Variants in MACROD2 observed in about 807,000 individuals in gnomAD.
MACROD2 encodes mono-ADP ribosylhydrolase 2.
Under a neutral mutation model 70.4 loss-of-function variants are expected in MACROD2, and 36 were observed. The ratio of observed to expected loss-of-function variants is 0.51; its 90% CI spans 0.39 to 0.68. The LOEUF is 0.68. Ranked by LOEUF, MACROD2 falls within the 30% of genes least tolerant of loss-of-function variation. MACROD2 has a pLI of 0.00. For missense variants in MACROD2, 496 were observed against 538.4 expected (o/e 0.92, Z 0.78); for synonymous variants, 172 against 178.8 (o/e 0.96, Z 0.30).
intron 3 of MACROD2, among the ~76,000 whole-genome samples, chr20:14,220,861 G>A (rs1334109501): frequency 2.0e-5 from 3 of 152,164 alleles, no homozygotes; most frequent in Admixed American, 6.5e-5. Context: ...TGGGGCACTC[G>A]CAGTTTTGGG....
intron 3 of MACROD2, among the ~76,000 whole-genome samples, chr20:14,235,645 A>G (rs768212579): frequency 3.3e-5 from 5 of 152,182 alleles, no homozygotes; most frequent in Non-Finnish European, 4.4e-5. Flanking sequence ...TGCTCTGTAC[A>G]TAGACTTCTA....
At chr20:15,883,677 A>G (rs992500679) in intron 9 of MACROD2, among the ~76,000 whole-genome samples, 1 of 152,164 alleles carries the variant, frequency 6.6e-6, no homozygotes, top group African/African-American at 2.4e-5. Context: ...TACAAAGCAC[A>G]TATATAGGAG....
At chr20:15,427,789 T>C (rs890393026) in intron 6 of MACROD2, among the ~76,000 whole-genome samples, 1 of 152,120 alleles carries the variant, frequency 6.6e-6, no homozygotes, top group Non-Finnish European at 1.5e-5. Context: ...TCCTTGAAAA[T>C]GTTGATAGTT....
At chr20:14,917,267 A>G (rs530915309) in intron 5 of MACROD2, among the ~76,000 whole-genome samples, 28 of 151,250 alleles carry the variant, frequency 1.9e-4, no homozygotes, top group Non-Finnish European at 4.1e-4. Flanking sequence ...TCGGGTCTCT[A>G]TTCTTCCATG....
In MACROD2 at chr20:15,887,616, G is replaced by T. The variant is rs2064838168; in HGVS notation, c.775+1805G>T. ...CCTCAACCAATAACAGACAGGAATT[G>T]GTTGGTTAATACCCACATCTGACTC... On this transcript the variant is annotated intron_variant, in intron 10 of 17. Coordinates refer to ENST00000684519, the MANE Select transcript of MACROD2 (RefSeq NM_001351661.2). Among the ~76,000 whole-genome samples the T allele has an allele frequency of 2.0e-5, 3 of 152,176 alleles. No individual in the cohort carries two copies. In the South Asian group the frequency reaches 6.2e-4, roughly 32 times the overall value.
chr20:15,953,359 A>G (rs1357632136), intron 12 of MACROD2, among the ~76,000 whole-genome samples: 1 of 152,182 alleles, frequency 6.6e-6, no homozygotes, highest in African/African-American at 2.4e-5. Context: ...AGCCAGAAGG[A>G]GTATATTGAA....
intron 2 of MACROD2, among the ~76,000 whole-genome samples, chr20:14,055,379 A>T (rs1273399039): frequency 1.1e-4 from 16 of 151,910 alleles, no homozygotes; most frequent in Admixed American, 9.9e-4. Context: ...AGCCTGTTAC[A>T]GTCTTTCTCT....
intron 5 of MACROD2, among the ~76,000 whole-genome samples, chr20:14,913,304 A>G (rs1402960323): frequency 6.6e-6 from 1 of 152,160 alleles, no homozygotes; most frequent in Non-Finnish European, 1.5e-5. Flanking sequence ...GGATATGATA[A>G]TGTTAAAACA....
intron 5 of MACROD2, among the ~76,000 whole-genome samples, chr20:15,083,858 G>C (rs1225615271): frequency 6.6e-6 from 1 of 151,978 alleles, no homozygotes; most frequent in African/African-American, 2.4e-5. Flanking sequence ...TTCAAACATA[G>C]ACCACCAGAT....
intron 5 of MACROD2, among the ~76,000 whole-genome samples, chr20:14,864,027 G>A (rs1461977382): frequency 6.6e-6 from 1 of 152,030 alleles, no homozygotes; most frequent in South Asian, 2.1e-4. Flanking sequence ...ACATGATGTA[G>A]GCTATTTCCT....
At chr20:14,152,601 A>G (rs985555633) in intron 3 of MACROD2, among the ~76,000 whole-genome samples, 5 of 151,850 alleles carry the variant, frequency 3.3e-5, no homozygotes, top group African/African-American at 1.2e-4. Flanking sequence ...TAATTTTTGT[A>G]TTTTTAGTAG....
At chr20:14,798,417 G>A (rs2072536317) in intron 5 of MACROD2, among the ~76,000 whole-genome samples, 1 of 151,982 alleles carries the variant, frequency 6.6e-6, no homozygotes, top group Non-Finnish European at 1.5e-5. Flanking sequence ...GAAGATCATT[G>A]CTTTTCTATT....
intron 7 of MACROD2, among the ~76,000 whole-genome samples, chr20:15,438,629 T>G (rs368522601): frequency 4.7e-5 from 1 of 21,458 alleles, no homozygotes; most frequent in Admixed American, 3.9e-4. Context: ...CTTTCTGAAA[T>G]TTTTTTAGCA....
At chr20:15,402,286 T>C (rs1366784196) in intron 6 of MACROD2, among the ~76,000 whole-genome samples, 2 of 152,178 alleles carry the variant, frequency 1.3e-5, no homozygotes, top group Admixed American at 6.5e-5. Flanking sequence ...CAAGAGGAAG[T>C]TAAAAGATAA....
At position 15,159,218 on chromosome 20, in the gene MACROD2, C is replaced by G. The variant is rs760049916; in HGVS notation, c.419-70722C>G. ...TCATAAAACAAAAAGGGTAAAGCCA[C>G]TGGGGGAAAAATGTGTCTTTTGTTG... On this transcript the variant is annotated intron_variant, in intron 5 of 17. Coordinates refer to ENST00000684519, the MANE Select transcript of MACROD2 (RefSeq NM_001351661.2). Among the ~76,000 whole-genome samples the G allele has an allele frequency of 1.7e-3, 255 of 152,162 alleles. 1 individual carries two copies. Among genetic ancestry groups the G allele is most frequent in the Non-Finnish European group, 2.4e-3 (165 of 67,986 alleles).
At chr20:14,394,098 G>A (rs1471090705) in intron 3 of MACROD2, among the ~76,000 whole-genome samples, 1 of 152,164 alleles carries the variant, frequency 6.6e-6, no homozygotes, top group South Asian at 2.1e-4. Flanking sequence ...AACCCAAAAG[G>A]ACGTGTAGAG....
chr20:15,524,348 C>T (rs998787746), intron 8 of MACROD2, among the ~76,000 whole-genome samples: 1 of 151,956 alleles, frequency 6.6e-6, no homozygotes, highest in African/African-American at 2.4e-5. Flanking sequence ...TGCTAGTGTC[C>T]CTTGGACACA....
chr20:14,666,945 CT>C (rs1360557720), intron 4 of MACROD2, among the ~76,000 whole-genome samples: 1 of 151,462 alleles, frequency 6.6e-6, no homozygotes, highest in African/African-American at 2.4e-5. Flanking sequence ...GTTTGAACTG[CT>C]GTCAGGCTGC....
At chr20:14,112,292 A>G (rs934959274) in intron 3 of MACROD2, among the ~76,000 whole-genome samples, 8 of 151,980 alleles carry the variant, frequency 5.3e-5, no homozygotes, top group Non-Finnish European at 1.0e-4. Context: ...AACAAGGGCT[A>G]GTTTTGATAG....
Sources: allele counts gnomAD v4.1 joint callset (sites outside exome capture counted in the v4.1 genomes callset), GRCh38; gene constraint gnomAD v4.1.1; transcripts MANE v1.5; gene names NCBI Gene and HGNC (gene_info 2026-07-23, HGNC 2026-07-21).